MAGI2: variants seen among roughly 807,000 people sequenced by gnomAD.
The protein encoded by MAGI2 is membrane-associated guanylate kinase, WW and PDZ domain-containing protein 2.
A neutral mutation model predicts 133.3 loss-of-function variants in MAGI2; 35 were observed. The observed-to-expected ratio is 0.26, with a 90% CI of 0.20 to 0.35. The LOEUF (loss-of-function observed/expected upper bound fraction) is 0.35, where lower values mean the gene tolerates loss of function less well. MAGI2 is among the 10% of genes least tolerant of loss of function. The pLI is 1.00. For synonymous variants in MAGI2, 729 were observed against 710.6 expected (o/e 1.03, Z -0.41); for missense variants, 1,636 against 1,863.4 (o/e 0.88, Z 2.25).
rs184413539 is a variant in MAGI2 at position 78,956,365 on chromosome 7, C to T, written c.418+50725G>A. 3.8e-4 allele frequency among the ~76,000 whole-genome samples: 58 copies of T among 152,250 alleles called. No individual in the cohort carries two copies. In the East Asian group the frequency reaches 5.6e-3, roughly 15 times the overall value. ...TTTCCCATCCATGCTGCCTGATTCT[C>T]TAAAGGGCATTATAGTCTCTGCATG... is the stretch of plus-strand genomic sequence containing the variant. On this transcript the variant is annotated intron_variant, in intron 2 of 21. Coordinates refer to ENST00000354212, the MANE Select transcript of MAGI2 (RefSeq NM_012301.4).
intron 1 of MAGI2, among the ~76,000 whole-genome samples, chr7:79,201,518 T>C (rs1828613848): frequency 6.6e-6 from 1 of 151,880 alleles, no homozygotes; most frequent in Non-Finnish European, 1.5e-5. Flanking sequence ...TTTTGTTTTG[T>C]TTTGCTTTTT....
intron 1 of MAGI2, among the ~76,000 whole-genome samples, chr7:79,136,018 AAAGAAAGAAG>A (rs1821436223): frequency 8.4e-6 from 1 of 119,480 alleles, no homozygotes; most frequent in African/African-American, 3.6e-5. Flanking sequence ...AGAAAGAAAG[AAAGAAAGAAG>A]GAAAGAAAGA....
intron 20 of MAGI2, among the ~76,000 whole-genome samples, chr7:78,124,673 C>A (rs1820791032): frequency 6.6e-6 from 1 of 151,826 alleles, no homozygotes; most frequent in South Asian, 2.1e-4. Flanking sequence ...AGATTTTATT[C>A]ATACACCGAC....
chr7:78,768,202 G>A (rs1825223344), intron 2 of MAGI2, among the ~76,000 whole-genome samples: 1 of 152,084 alleles, frequency 6.6e-6, no homozygotes, highest in African/African-American at 2.4e-5. Context: ...AAATTTCTCT[G>A]GGTAAAACCA....
chr7:78,774,627 C>G (rs1825841716), intron 2 of MAGI2, among the ~76,000 whole-genome samples: 2 of 152,186 alleles, frequency 1.3e-5, no homozygotes, highest in Non-Finnish European at 2.9e-5. Context: ...TGCCACTGAT[C>G]TCATCAGTTA....
At chr7:78,415,356 G>C (rs544697473) in intron 6 of MAGI2, among the ~76,000 whole-genome samples, 2 of 152,008 alleles carry the variant, frequency 1.3e-5, no homozygotes, top group South Asian at 4.2e-4. Context: ...CTCCAAAATT[G>C]GGTAGTGTAT....
chr7:79,374,073 G>C (rs1843222156), intron 1 of MAGI2, among the ~76,000 whole-genome samples: 1 of 151,974 alleles, frequency 6.6e-6, no homozygotes, highest in Non-Finnish European at 1.5e-5. Context: ...CAAAGAATAT[G>C]ATATGGTACA....
intron 16 of MAGI2, among the ~76,000 whole-genome samples, chr7:78,142,965 A>G (rs1822915196): frequency 6.6e-6 from 1 of 152,176 alleles, no homozygotes; most frequent in South Asian, 2.1e-4. Flanking sequence ...TTTGGGTCTG[A>G]ATGTCAGGAT....
chr7:78,454,644 T>C (rs1485612103), intron 6 of MAGI2, among the ~76,000 whole-genome samples: 1 of 152,192 alleles, frequency 6.6e-6, no homozygotes, highest in African/African-American at 2.4e-5. Flanking sequence ...TTAATTCATA[T>C]TTGCCAAAAA....
intron 1 of MAGI2, among the ~76,000 whole-genome samples, chr7:79,144,689 G>A (rs1179923814): frequency 6.6e-6 from 1 of 152,166 alleles, no homozygotes; most frequent in African/African-American, 2.4e-5. Flanking sequence ...CTAAGAAGCA[G>A]GTGACAGGCA....
rs749807440 is a variant in MAGI2, at chr7:78,018,125, CAAAAT to C, written c.*1185_*1189del. On this transcript the variant is annotated 3_prime_UTR_variant, in exon 22 of 22. Coordinates refer to ENST00000354212, the MANE Select transcript of MAGI2 (RefSeq NM_012301.4). The stretch of plus-strand genomic sequence containing the variant: ...AAGATAAACATCTAGAAGTTGCTAA[CAAAAT>C]AAAGTGGCAAGGAATACAAGACGAA... The C allele has an allele frequency of 4.6e-5, 7 of 151,586 alleles. No individual in the cohort carries two copies. Among genetic ancestry groups the C allele is most frequent in the Non-Finnish European group, 5.9e-5 (4 of 67,912 alleles). The allele number at this position is 151,586 out of a possible 1,614,324, so 9.4% of individuals were successfully genotyped here.
chr7:78,533,101 C>A (rs993815278), intron 3 of MAGI2, among the ~76,000 whole-genome samples: 1 of 152,020 alleles, frequency 6.6e-6, no homozygotes, highest in Non-Finnish European at 1.5e-5. Context: ...ACCACCACAC[C>A]CGGCTAATTT....
At chr7:78,825,134 A>G (rs1287095177) in intron 2 of MAGI2, among the ~76,000 whole-genome samples, 1 of 152,184 alleles carries the variant, frequency 6.6e-6, no homozygotes, top group Admixed American at 6.5e-5. Flanking sequence ...CCTAGCATGC[A>G]TCTAGGGCTT....
chr7:78,374,529 C>A (rs1477619703), intron 6 of MAGI2, among the ~76,000 whole-genome samples: 1 of 151,928 alleles, frequency 6.6e-6, no homozygotes, highest in Non-Finnish European at 1.5e-5. Flanking sequence ...GTTGATAGTT[C>A]CTTTTGCTGT....
At chr7:78,160,918 C>T (rs1191763621) in intron 15 of MAGI2, among the ~76,000 whole-genome samples, 1 of 152,176 alleles carries the variant, frequency 6.6e-6, no homozygotes, top group Non-Finnish European at 1.5e-5. Context: ...TGATTTACTT[C>T]ATGTATGTGG....
Position 78,116,299 on chromosome 7 carries a change from T to A in MAGI2, c.3567+9395A>T, listed in dbSNP as rs190452936. Among the ~76,000 whole-genome samples the A allele has an allele frequency of 2.0e-5, 3 of 151,844 alleles. No homozygotes were observed. In the East Asian group the frequency reaches 5.8e-4, roughly 29 times the overall value. ...ACATATTAAATCTACAGCCTTAAAT[T>A]TGTATTTTAATAGAAATGAAGAAAG... On this transcript the variant is annotated intron_variant, in intron 20 of 21. Transcript: ENST00000354212.
intron 6 of MAGI2, among the ~76,000 whole-genome samples, chr7:78,489,032 C>T (rs1793340640): frequency 6.6e-6 from 1 of 152,002 alleles, no homozygotes; most frequent in South Asian, 2.1e-4. Context: ...AGAGAGTATG[C>T]TATTGATCAT....
At position 78,756,815 on chromosome 7, in the gene MAGI2, C is replaced by T. The variant is rs144201233; in HGVS notation, c.419-129576G>A. Among the ~76,000 whole-genome samples the T allele has an allele frequency of 4.3e-3, 662 of 152,236 alleles. 2 individuals are homozygous for T. Among genetic ancestry groups the T allele is most frequent in the South Asian group, 5.4e-3 (26 of 4,818 alleles). On this transcript the variant is annotated intron_variant, in intron 2 of 21. Coordinates refer to ENST00000354212, the MANE Select transcript of MAGI2 (RefSeq NM_012301.4). ...CCATTTATCAGTGCAGTCACTTTAA[C>T]GTATTCACCTTTATTTTTTTGCTCC... is the stretch of plus-strand genomic sequence containing the variant.
chr7:78,115,036 A>T (rs1819722000), intron 20 of MAGI2, among the ~76,000 whole-genome samples: 1 of 152,220 alleles, frequency 6.6e-6, no homozygotes, highest in South Asian at 2.1e-4. Flanking sequence ...TAGATTCCCT[A>T]ACCTTACCAT....
Sources: gnomAD v4.1 joint callset for allele counts (sites outside exome capture counted in the v4.1 genomes callset) on GRCh38, gnomAD v4.1.1 for gene constraint, MANE v1.5 for transcripts, NCBI Gene and HGNC (gene_info 2026-07-23, HGNC 2026-07-21) for gene names.